CSMD1: variants seen among roughly 807,000 people sequenced by gnomAD.
CSMD1 encodes CUB and sushi domain-containing protein 1.
Under a neutral mutation model 417.5 loss-of-function variants are expected in CSMD1, and 213 were observed. The observed-to-expected ratio is 0.51, with a 90% CI of 0.46 to 0.57. The LOEUF (loss-of-function observed/expected upper bound fraction) is 0.57, where lower values mean the gene tolerates loss of function less well. Among genes scored for constraint, CSMD1 ranks in the 20% least tolerant of loss-of-function variants. The pLI is 0.00. For synonymous variants in CSMD1, 2,862 were observed against 1,736.8 expected, an observed-to-expected ratio of 1.65 and a Z score of -16.11; for missense variants, 6,923 against 4,529.7, an observed-to-expected ratio of 1.53 and a Z score of -15.17.
chr8:3,369,556 G>A (rs1363704489), intron 18 of CSMD1, among the ~76,000 whole-genome samples, 186 bp from the exon 19 acceptor site: 1 of 152,144 alleles, frequency 6.6e-6, no homozygotes, highest in African/African-American at 2.4e-5. Flanking sequence ...CATATGAAGG[G>A]ATCTTAACCA....
intron 1 of CSMD1, among the ~76,000 whole-genome samples, chr8:4,730,954 A>G (rs1302648175): frequency 1.3e-5 from 2 of 151,876 alleles, no homozygotes; most frequent in Non-Finnish European, 2.9e-5. Flanking sequence ...GTTCCTGCCT[A>G]TTGGGGTGAT....
At chr8:4,972,403 G>A (rs1399730027) in intron 1 of CSMD1, among the ~76,000 whole-genome samples, 4 of 152,134 alleles carry the variant, frequency 2.6e-5, no homozygotes, top group African/African-American at 7.2e-5. Context: ...TCTCATGATA[G>A]CAAGTGAATT....
intron 3 of CSMD1, among the ~76,000 whole-genome samples, chr8:4,371,043 G>C (rs1233270459): frequency 5.3e-5 from 8 of 152,178 alleles, no homozygotes; most frequent in African/African-American, 1.9e-4. Context: ...ATTCTCTTTT[G>C]TGAAGGCTAA....
chr8:4,576,710 CTCTT>C (rs1264511798), intron 2 of CSMD1, among the ~76,000 whole-genome samples: 3 of 152,072 alleles, frequency 2.0e-5, no homozygotes, highest in African/African-American at 2.4e-5. Flanking sequence ...GTCTGATAAT[CTCTT>C]TCTAAAACTT....
At chr8:4,879,736 T>C (rs1368518853) in intron 1 of CSMD1, among the ~76,000 whole-genome samples, 1 of 152,068 alleles carries the variant, frequency 6.6e-6, no homozygotes, top group Non-Finnish European at 1.5e-5. Context: ...GGATTGGGAC[T>C]TTCATAATGT....
At chr8:4,433,691 G>A (rs1585067416) in intron 2 of CSMD1, among the ~76,000 whole-genome samples, 1 of 152,214 alleles carries the variant, frequency 6.6e-6, no homozygotes, top group South Asian at 2.1e-4. Context: ...TCATTCACCT[G>A]GCATGTGAAT....
chr8:4,484,514 G>C (rs993745524), intron 2 of CSMD1, among the ~76,000 whole-genome samples: 1 of 151,998 alleles, frequency 6.6e-6, no homozygotes, highest in Non-Finnish European at 1.5e-5. Flanking sequence ...AAGCAAGTTT[G>C]GTAAGTCCAT....
At chr8:3,981,635 G>C (rs1269828930) in intron 5 of CSMD1, among the ~76,000 whole-genome samples, 1 of 150,516 alleles carries the variant, frequency 6.6e-6, no homozygotes, top group Non-Finnish European at 1.5e-5. Context: ...CCTTTGAGTT[G>C]TCTTTTAATT....
chr8:4,797,134 G>C (rs993725809), intron 1 of CSMD1, among the ~76,000 whole-genome samples: 3 of 152,206 alleles, frequency 2.0e-5, no homozygotes, highest in African/African-American at 7.2e-5. Context: ...AGAGGCCATG[G>C]AAGAAATGAG....
chr8:4,803,455 AG>A (rs1798420574), intron 1 of CSMD1, among the ~76,000 whole-genome samples: 1 of 152,224 alleles, frequency 6.6e-6, no homozygotes, highest in Non-Finnish European at 1.5e-5. Context: ...TTTGCATGAT[AG>A]GAGAGGAGGG....
intron 3 of CSMD1, among the ~76,000 whole-genome samples, chr8:4,215,389 C>G (rs1384205339): frequency 6.6e-6 from 1 of 152,108 alleles, no homozygotes; most frequent in East Asian, 1.9e-4. Context: ...ACATGAATAA[C>G]AGATTCAGGC....
At chr8:3,451,617 G>A (rs1187163500) in intron 12 of CSMD1, among the ~76,000 whole-genome samples, 1 of 152,172 alleles carries the variant, frequency 6.6e-6, no homozygotes, top group East Asian at 1.9e-4. Context: ...TCAAAGAGCA[G>A]ATACTTGTAG....
At chr8:3,262,184 A>AATATATATAT (rs201972449) in intron 26 of CSMD1, among the ~76,000 whole-genome samples, 3 of 63,172 alleles carry the variant, frequency 4.7e-5, no homozygotes, top group Admixed American at 1.9e-4. Flanking sequence ...TGCTCATATG[A>AATATATATAT]ATATATATAT....
intron 12 of CSMD1, among the ~76,000 whole-genome samples, chr8:3,434,652 C>T (rs954290335): frequency 1.3e-5 from 2 of 152,136 alleles, no homozygotes; most frequent in Non-Finnish European, 2.9e-5. Context: ...ATTGTTTGAT[C>T]TGATCTCTCC....
At chr8:4,885,250 C>T (rs926329555) in intron 1 of CSMD1, among the ~76,000 whole-genome samples, 3 of 151,996 alleles carry the variant, frequency 2.0e-5, no homozygotes, top group Non-Finnish European at 4.4e-5. Flanking sequence ...TTAGCATTTT[C>T]CATGTCCAAG....
intron 7 of CSMD1, among the ~76,000 whole-genome samples, chr8:3,679,117 C>T (rs1019198083): frequency 6.6e-6 from 1 of 152,114 alleles, no homozygotes; most frequent in African/African-American, 2.4e-5. Flanking sequence ...AGGAAGAAAA[C>T]TGTATCAACT....
intron 5 of CSMD1, among the ~76,000 whole-genome samples, chr8:3,906,299 A>T (rs1443379050): frequency 1.3e-5 from 2 of 152,216 alleles, no homozygotes; most frequent in East Asian, 1.9e-4. Flanking sequence ...TAGGGAAAAA[A>T]AAAACCCCAT....
In CSMD1 at chr8:3,462,129, C is replaced by A. The variant is rs995940193; in HGVS notation, c.1561+6583G>T. Among the ~76,000 whole-genome samples, 125 of 152,208 alleles carry A rather than the reference C, an allele frequency of 8.2e-4. 1 individual carries two copies. Among genetic ancestry groups the A allele is most frequent in the Non-Finnish European group, 1.3e-3 (85 of 67,990 alleles). Reference sequence around the variant, plus strand: ...GCTCTCTTCAGAATCCAGGCCCCCCCCCCCACCTCCCAGCTGCTCGGGACC... The same window carrying A: ...GCTCTCTTCAGAATCCAGGCCCCCCACCCCACCTCCCAGCTGCTCGGGACC... On this transcript the variant is annotated intron_variant, in intron 12 of 69. Coordinates refer to ENST00000635120, the MANE Select transcript of CSMD1 (RefSeq NM_033225.6).
chr8:3,724,322 A>G (rs1286490442), intron 6 of CSMD1, among the ~76,000 whole-genome samples: 2 of 152,066 alleles, frequency 1.3e-5, no homozygotes, highest in Non-Finnish European at 2.9e-5. Context: ...AGCATTAGGT[A>G]TATCTCCCAA....
Sources: allele counts gnomAD v4.1 joint callset (sites outside exome capture counted in the v4.1 genomes callset), GRCh38; gene constraint gnomAD v4.1.1; transcripts MANE v1.5; gene names NCBI Gene and HGNC (gene_info 2026-07-23, HGNC 2026-07-21).